Variants in PTGER4 observed in about 807,000 individuals in gnomAD.
PTGER4 encodes prostaglandin E receptor 4, also known as prostaglandin E2 receptor EP4 subtype.
Under a neutral mutation model 33.2 loss-of-function variants are expected in PTGER4, and 11 were observed. That is an observed-to-expected ratio of 0.33 (90% CI 0.21 to 0.55). The LOEUF (loss-of-function observed/expected upper bound fraction) is 0.55, where lower values mean the gene tolerates loss of function less well. Ranked by LOEUF, PTGER4 falls within the 20% of genes least tolerant of loss-of-function variation. PTGER4 has a pLI of 0.92. For missense variants in PTGER4, 481 were observed against 650.2 expected (o/e 0.74, Z 2.83); for synonymous variants, 275 against 281.5 (o/e 0.98, Z 0.23).
At chr5:40,718,652 C>A in the PTGER4 span, among the ~76,000 whole-genome samples, 1 of 151,734 alleles carries the variant, frequency 6.6e-6, no homozygotes, top group Admixed American at 6.6e-5. Context: ...GCATGAGAAT[C>A]GCTTGAACCC....
the PTGER4 span, among the ~76,000 whole-genome samples, chr5:40,723,757 T>C: frequency 2.6e-5 from 4 of 151,782 alleles, no homozygotes; most frequent in Non-Finnish European, 5.9e-5. Context: ...CCCAGCTACT[T>C]GGGAGGCTGA....
intron 2 of PTGER4, among the ~76,000 whole-genome samples, chr5:40,687,202 C>T (rs966141182): frequency 6.6e-6 from 1 of 151,978 alleles, no homozygotes; most frequent in African/African-American, 2.4e-5. Flanking sequence ...TGCACCACCA[C>T]GCCCGGCTAA....
downstream of PTGER4, among the ~76,000 whole-genome samples, chr5:40,697,302 A>AAGGCCAGG (rs924372315): frequency 6.9e-6 from 1 of 144,266 alleles, no homozygotes; most frequent in African/African-American, 2.6e-5. Context: ...AAGAAAAAGA[A>AAGGCCAGG]AGGCCAGGCA....
chr5:40,723,243 C>G, the PTGER4 span, among the ~76,000 whole-genome samples: 7 of 151,924 alleles, frequency 4.6e-5, no homozygotes, highest in South Asian at 8.4e-4. Flanking sequence ...CAGCATGCTC[C>G]TTAAGAGTCA....
the PTGER4 span, chr5:40,716,375 T>A: frequency 2.5e-6 from 4 of 1,614,072 alleles, no homozygotes; most frequent in Admixed American, 3.3e-5. Flanking sequence ...GGTGCTTCAC[T>A]TTTTTTAATC....
chr5:40,725,151 T>A, the PTGER4 span, among the ~76,000 whole-genome samples: 1 of 126,664 alleles, frequency 7.9e-6, no homozygotes, highest in Non-Finnish European at 1.7e-5. Context: ...CCCAGCCAAA[T>A]TTTTTTTTTT....
In PTGER4 at chr5:40,692,584, C is replaced by G; in HGVS notation, c.*206C>G. 7.4e-7 allele frequency: 1 copy of G among 1,346,926 alleles called. No homozygotes were observed. 83.4% of individuals were successfully genotyped at this position (1,346,926 alleles called of 1,614,324 possible). On this transcript the variant is annotated 3_prime_UTR_variant, in exon 3 of 3. Coordinates refer to ENST00000302472, the MANE Select transcript of PTGER4 (RefSeq NM_000958.3). ...GGCCTGCAGCACGTCGGATGCTACC[C>G]CACTATGACAGAGGATTGTGGTCAC...
At chr5:40,721,313 T>G in the PTGER4 span, among the ~76,000 whole-genome samples, 4 of 152,084 alleles carry the variant, frequency 2.6e-5, no homozygotes, top group Admixed American at 6.5e-5. Flanking sequence ...ATTTTAGAAG[T>G]AAGAACAAAA....
the PTGER4 span, among the ~76,000 whole-genome samples, chr5:40,723,910 A>T: frequency 6.6e-6 from 1 of 152,188 alleles, no homozygotes; most frequent in African/African-American, 2.4e-5. Context: ...CAGTGAGGTT[A>T]TGGAGAAACT....
In PTGER4 at chr5:40,693,445, GA is replaced by G; in HGVS notation, c.*1068del. ...AAGTTGCATCAGAAAGCTTTATTTT[GA>G]GATGTAAAAAGATTCCCAAACGTGG... On this transcript the variant is annotated 3_prime_UTR_variant, in exon 3 of 3. Coordinates refer to ENST00000302472, the MANE Select transcript of PTGER4 (RefSeq NM_000958.3). 1 of 985,928 alleles carries G rather than the reference GA, an allele frequency of 1.0e-6. No individual in the cohort carries two copies. The highest frequency in any genetic ancestry group is 1.2e-6 in the Non-Finnish European group (1 of 829,912). The allele number at this position is 985,928 out of a possible 1,614,324, so 61.1% of individuals were successfully genotyped here. A position where few individuals can be genotyped will look rare whatever the true frequency, so the allele number is the denominator to read the frequency against.
chr5:40,692,001 T>C lies in PTGER4; in HGVS notation c.1090T>C (p.Ser364Pro). 6.2e-7 allele frequency: 1 copy of C among 1,614,098 alleles called. No individual in the cohort carries two copies. The highest frequency in any genetic ancestry group is 8.5e-7 in the Non-Finnish European group (1 of 1,180,016). Reference sequence around the variant, plus strand: ...CAGGGAGCGCTCCGGACAGCACTGCTCAGACAGTCAAAGGACATCTTCTGC... The same window carrying C: ...CAGGGAGCGCTCCGGACAGCACTGCCCAGACAGTCAAAGGACATCTTCTGC... The part of the protein sequence containing the change: ...SRRERSGQHC[S>P]DSQRTSSAMS... The change falls in exon 3 of 3, where the codon TCA (serine) becomes CCA (proline). Residue 364 changes from serine (S) to proline (P), a missense_variant. Around this residue, in one of 7 missense-constraint regions of PTGER4, gnomAD observed 172 missense variants for 199.2 expected, o/e 0.86. Transcript: ENST00000302472.
the PTGER4 span, among the ~76,000 whole-genome samples, chr5:40,722,973 G>A: frequency 1.3e-5 from 2 of 152,212 alleles, no homozygotes; most frequent in South Asian, 2.1e-4. Flanking sequence ...CCATGATGAC[G>A]ATGGCGGTTT....
chr5:40,688,256 C>T (rs1045779429), intron 2 of PTGER4, among the ~76,000 whole-genome samples: 2 of 152,006 alleles, frequency 1.3e-5, no homozygotes, highest in East Asian at 1.9e-4. Context: ...TTCTGTTCTG[C>T]GAGTCTCGGA....
the PTGER4 span, among the ~76,000 whole-genome samples, chr5:40,711,366 TAA>T: frequency 6.6e-6 from 1 of 152,094 alleles, no homozygotes; most frequent in African/African-American, 2.4e-5. Context: ...GTCTAAAATT[TAA>T]AAGACTGACA....
At chr5:40,729,755 G>A in the PTGER4 span, among the ~76,000 whole-genome samples, 22 of 152,140 alleles carry the variant, frequency 1.4e-4, no homozygotes, top group Non-Finnish European at 2.9e-4. Flanking sequence ...CTGGAGTGCA[G>A]TGGCACTATC....
chr5:40,715,940 C>A, the PTGER4 span: 1 of 439,794 alleles, frequency 2.3e-6, no homozygotes, highest in Non-Finnish European at 4.0e-6. Context: ...AGAATTTTAA[C>A]CTTGAGAAAT....
chr5:40,738,799 T>C, the PTGER4 span, among the ~76,000 whole-genome samples: 1 of 152,132 alleles, frequency 6.6e-6, no homozygotes, highest in Non-Finnish European at 1.5e-5. Flanking sequence ...TGATGACTAA[T>C]AGTGTTGAGC....
chr5:40,724,317 C>G, the PTGER4 span, among the ~76,000 whole-genome samples: 3 of 152,114 alleles, frequency 2.0e-5, no homozygotes, highest in African/African-American at 7.2e-5. Flanking sequence ...ATCTCTAAAA[C>G]AGGCAAATTC....
the PTGER4 span, among the ~76,000 whole-genome samples, chr5:40,708,749 A>C: frequency 6.6e-6 from 1 of 152,336 alleles, no homozygotes; most frequent in African/African-American, 2.4e-5. Flanking sequence ...TTTTAGACCA[A>C]TATCCCTGAT....
Sources: gnomAD v4.1 joint callset for allele counts (sites outside exome capture counted in the v4.1 genomes callset) on GRCh38, gnomAD v4.1.1 for gene constraint, gnomAD v4.1.1 regional missense constraint, MANE v1.5 for transcripts, NCBI Gene and HGNC (gene_info 2026-07-23, HGNC 2026-07-21) for gene names.